Variants in PRR5L observed in about 807,000 individuals in gnomAD.
PRR5L encodes proline-rich protein 5-like.
In PRR5L, 21 loss-of-function variants were observed where a neutral mutation model predicts 36.4. The ratio of observed to expected loss-of-function variants is 0.58; its 90% confidence interval spans 0.41 to 0.83. The LOEUF (loss-of-function observed/expected upper bound fraction) is 0.83. PRR5L is among the 40% of genes least tolerant of loss of function. PRR5L has a pLI of 0.00. For synonymous variants in PRR5L, 188 were observed against 197.0 expected (o/e 0.95, Z 0.38); for missense variants, 381 against 473.3 (o/e 0.80, Z 1.81).
intron 1 of PRR5L, among the ~76,000 whole-genome samples, chr11:36,343,890 A>G (rs1486300231): frequency 1.3e-5 from 2 of 149,676 alleles, no homozygotes; most frequent in Non-Finnish European, 3.0e-5. Context: ...ACAATGTAGA[A>G]ATAAGTTTTA....
chr11:36,401,191 C>T lies in PRR5L; in HGVS notation c.70C>T (p.Pro24Ser). 1.2e-6 allele frequency: 2 copies of T among 1,614,128 alleles called. No homozygotes were observed. Among genetic ancestry groups the T allele is most frequent in the Non-Finnish European group, 1.7e-6 (2 of 1,180,014 alleles). ...HKMGSFRRPR[P>S]RFMSSPVLSD... ...GATGGGCTCCTTCCGCAGGCCTAGA[C>T]CGCGCTTCATGAGCTCCCCCGTGCT... The change falls in exon 2 of 9, where the codon CCG (proline) becomes TCG (serine). Residue 24 changes from proline to serine, a missense_variant. Transcript: ENST00000530639.
At chr11:36,398,281 A>G (rs918761170) in intron 1 of PRR5L, 5 of 152,398 alleles carry the variant, frequency 3.3e-5, no homozygotes, top group Middle Eastern at 3.4e-3. Context: ...TCATCTGTCA[A>G]TGGGACCTGG....
At chr11:36,375,466 C>G (rs987590182) in intron 1 of PRR5L, among the ~76,000 whole-genome samples, 1 of 152,006 alleles carries the variant, frequency 6.6e-6, no homozygotes. Flanking sequence ...TCGCAATGAC[C>G]AAATCAAAAA....
Position 36,377,055 on chromosome 11 carries a change from C to A in PRR5L, c.-125-23942C>A, listed in dbSNP as rs1457941970. The stretch of plus-strand genomic sequence containing the variant: ...TGGGACCTAGGCTGAGCCGGGAGGT[C>A]GAAAAAGAAAGTCGGCTTGTTTGAC... On this transcript the variant is annotated intron_variant, in intron 1 of 8. Coordinates refer to ENST00000530639, the MANE Select transcript of PRR5L (RefSeq NM_001160167.2). The surrounding 1 kb of genome is among the most constrained non-coding windows in gnomAD (Gnocchi z 5.1). Among the ~76,000 whole-genome samples, 1 of 152,038 alleles carries A rather than the reference C, an allele frequency of 6.6e-6. No individual in the cohort carries two copies. Among genetic ancestry groups the A allele is most frequent in the African/African-American group, 2.4e-5 (1 of 41,412 alleles).
chr11:36,374,914 T>C (rs146906524), intron 1 of PRR5L, among the ~76,000 whole-genome samples: 47 of 152,318 alleles, frequency 3.1e-4, no homozygotes, highest in African/African-American at 1.0e-3. Context: ...GACGAGCCTC[T>C]TTTAAGTCTC....
intron 1 of PRR5L, among the ~76,000 whole-genome samples, chr11:36,321,871 CG>C (rs1856616653): frequency 6.6e-6 from 1 of 152,200 alleles, no homozygotes; most frequent in South Asian, 2.1e-4. Context: ...TGTGTCTTCA[CG>C]GGGCCTTCCC....
intron 1 of PRR5L, among the ~76,000 whole-genome samples, chr11:36,351,343 AT>A (rs1856945750): frequency 7.1e-5 from 3 of 42,106 alleles, no homozygotes; most frequent in Non-Finnish European, 8.4e-5. Flanking sequence ...TATATTTATA[AT>A]ATATAATAAA....
At chr11:36,348,377 A>C (rs1856889023) in intron 1 of PRR5L, among the ~76,000 whole-genome samples, 1 of 152,132 alleles carries the variant, frequency 6.6e-6, no homozygotes, top group Non-Finnish European at 1.5e-5. Context: ...GAAATGAAGG[A>C]TGTAAATCGA....
chr11:36,366,398 TTGTG>T (rs143292163), intron 1 of PRR5L, among the ~76,000 whole-genome samples: 19,046 of 142,686 alleles, frequency 0.13, 1,275 homozygotes, highest in Non-Finnish European at 0.17. Flanking sequence ...AATTCCATAT[TTGTG>T]TGTGTGTGTG....
At chr11:36,345,979 C>G (rs898476313) in intron 1 of PRR5L, among the ~76,000 whole-genome samples, 1 of 152,172 alleles carries the variant, frequency 6.6e-6, no homozygotes, top group African/African-American at 2.4e-5. Flanking sequence ...GTGAGAGCGT[C>G]ACGTTTGAGA....
At chr11:36,339,716 C>G (rs1332330698) in intron 1 of PRR5L, among the ~76,000 whole-genome samples, 1 of 152,178 alleles carries the variant, frequency 6.6e-6, no homozygotes, top group Non-Finnish European at 1.5e-5. Context: ...AGCCTAGGCT[C>G]TTAGTCACTA....
At chr11:36,331,828 G>T (rs1337293357) in intron 1 of PRR5L, among the ~76,000 whole-genome samples, 2 of 152,192 alleles carry the variant, frequency 1.3e-5, no homozygotes, top group African/African-American at 4.8e-5. Context: ...ATTCAAAGAG[G>T]TGGTTATAAT....
intron 1 of PRR5L, among the ~76,000 whole-genome samples, chr11:36,323,015 A>C (rs552915627): frequency 6.6e-6 from 1 of 152,312 alleles, no homozygotes; most frequent in Middle Eastern, 3.4e-3. Flanking sequence ...TCTCTAGAGC[A>C]TATCCCTGTG....
In PRR5L at chr11:36,419,168, A is replaced by G. The variant is rs373420309; in HGVS notation, c.246-87A>G. On this transcript the variant is annotated intron_variant, in intron 3 of 8. Coordinates refer to ENST00000530639, the MANE Select transcript of PRR5L (RefSeq NM_001160167.2). ...CCCTCAAGATCTCAGACCTGGCCCC[A>G]CCCCGTGCCACTGGTGAGCACATTG... is the stretch of plus-strand genomic sequence containing the variant. 3.6e-5 allele frequency: 45 copies of G among 1,250,198 alleles called. No individual in the cohort carries two copies. In the African/African-American group the frequency reaches 5.8e-4, roughly 16 times the overall value. The allele number at this position is 1,250,198 out of a possible 1,614,324, so 77.4% of individuals were successfully genotyped here.
intron 8 of PRR5L, among the ~76,000 whole-genome samples, chr11:36,458,591 C>T (rs571853942): frequency 3.9e-5 from 6 of 152,348 alleles, no homozygotes; most frequent in South Asian, 2.1e-4. Flanking sequence ...CACAACAGTC[C>T]GATGACGGGA....
chr11:36,405,098 A>G (rs1185073408), intron 3 of PRR5L, among the ~76,000 whole-genome samples: 4 of 152,182 alleles, frequency 2.6e-5, no homozygotes, highest in African/African-American at 9.6e-5. Flanking sequence ...GTTTGTGGAC[A>G]GCTGGGAGAG....
chr11:36,454,643 C>T (rs1461042070), intron 8 of PRR5L: 1 of 152,288 alleles, frequency 6.6e-6, no homozygotes, highest in Non-Finnish European at 1.5e-5. Context: ...CTCATTCCAT[C>T]CTCCAAGGTA....
intron 7 of PRR5L, among the ~76,000 whole-genome samples, chr11:36,449,440 C>A (rs889163662): frequency 1.3e-5 from 2 of 152,242 alleles, no homozygotes; most frequent in Non-Finnish European, 2.9e-5. Context: ...TGACCCAACT[C>A]CACCCTTCCC....
intron 1 of PRR5L, among the ~76,000 whole-genome samples, chr11:36,310,497 T>G (rs1856489355): frequency 6.6e-6 from 1 of 152,160 alleles, no homozygotes; most frequent in Admixed American, 6.5e-5. Context: ...GGAAGGTTAC[T>G]GTTACACAAG....
Sources: allele counts gnomAD v4.1 joint callset (sites outside exome capture counted in the v4.1 genomes callset), GRCh38; gene constraint gnomAD v4.1.1; non-coding constraint Gnocchi (gnomAD v3.1); transcripts MANE v1.5; gene names NCBI Gene and HGNC (gene_info 2026-07-23, HGNC 2026-07-21).